MXI1: variants seen among roughly 807,000 people sequenced by gnomAD.
The protein encoded by MXI1 is MAX interactor 1, dimerization protein.
Under a neutral mutation model 36.9 loss-of-function variants are expected in MXI1, and 18 were observed. The observed-to-expected ratio is 0.49, with a 90% CI of 0.34 to 0.72. The LOEUF is 0.72. Ranked by LOEUF, MXI1 falls within the 30% of genes least tolerant of loss-of-function variation. The pLI, the probability that MXI1 is intolerant of heterozygous loss-of-function variation, is 0.01. For missense variants in MXI1, 304 were observed against 379.1 expected (o/e 0.80, Z 1.64); for synonymous variants, 160 against 146.7 (o/e 1.09, Z -0.65).
chr10:110,224,107 G>A lies in MXI1; in HGVS notation c.275-4082G>A, dbSNP rs547715255. ...ATGAAGCCGATAACATTTTTAAGAG[G>A]GTAAGATTTCCATCTCAAGATGGTA... is the stretch of plus-strand genomic sequence containing the variant. On this transcript the variant is annotated intron_variant, in intron 1 of 5. Coordinates refer to ENST00000332674, the MANE Select transcript of MXI1 (RefSeq NM_130439.3). Among the ~76,000 whole-genome samples, 5 of 152,224 alleles carry A rather than the reference G, an allele frequency of 3.3e-5. No individual in the cohort carries two copies. The South Asian group carries it at 1.0e-3, about 32-fold the overall frequency.
At chr10:110,245,922 T>G (rs1855845660) in intron 3 of MXI1, 1 of 152,116 alleles carries the variant, frequency 6.6e-6, no homozygotes, top group Non-Finnish European at 1.5e-5. Context: ...AGTTGAGTCT[T>G]AGATGATATT....
chr10:110,250,659 C>G (rs1856045496), intron 3 of MXI1, among the ~76,000 whole-genome samples: 1 of 151,392 alleles, frequency 6.6e-6, no homozygotes, highest in African/African-American at 2.4e-5. Flanking sequence ...TGGTGAAACC[C>G]CATCTCTACT....
rs190672219 is a variant in MXI1, at chr10:110,241,828, G to C, written c.408-3000G>C. 2.2e-3 allele frequency among the ~76,000 whole-genome samples: 329 copies of C among 152,010 alleles called. 1 individual carries two copies. Among genetic ancestry groups the C allele is most frequent in the African/African-American group, 7.6e-3 (315 of 41,516 alleles). On this transcript the variant is annotated intron_variant, in intron 2 of 5. Coordinates refer to ENST00000332674, the MANE Select transcript of MXI1 (RefSeq NM_130439.3). Reference sequence around the variant, plus strand: ...GCTAGCATCTATTAAATACTTATTAGGAGCTAGATGTTTTTACATCTGTTT... The same window carrying C: ...GCTAGCATCTATTAAATACTTATTACGAGCTAGATGTTTTTACATCTGTTT...
Position 110,228,299 on chromosome 10 carries a change from A to G in MXI1, c.385A>G (p.Ser129Gly). 6.2e-7 allele frequency: 1 copy of G among 1,614,182 alleles called. No individual in the cohort carries two copies. The highest frequency in any genetic ancestry group is 8.5e-7 in the Non-Finnish European group (1 of 1,180,020). The change falls in exon 2 of 6, where the codon AGC becomes GGC. Residue 129 changes from serine to glycine, a missense_variant. Transcript: ENST00000332674. Reference sequence around the variant, plus strand: ...GGCACAGAAACACAGCAGCGGGAGCAGCAACACCAGCACTGCCAACAGGTA... The same window carrying G: ...GGCACAGAAACACAGCAGCGGGAGCGGCAACACCAGCACTGCCAACAGGTA... ...SRAQKHSSGS[S>G]NTSTANRSTH...
chr10:110,216,936 G>A (rs1854664644), intron 1 of MXI1, among the ~76,000 whole-genome samples: 1 of 151,966 alleles, frequency 6.6e-6, no homozygotes, highest in African/African-American at 2.4e-5. Flanking sequence ...CAAAAGTGCT[G>A]GGATTACAGG....
intron 3 of MXI1, among the ~76,000 whole-genome samples, chr10:110,277,428 G>A (rs1857073003): frequency 6.6e-6 from 1 of 152,188 alleles, no homozygotes; most frequent in Admixed American, 6.5e-5. Flanking sequence ...TTACTCTGGT[G>A]TTTTGTTGTT....
intron 1 of MXI1, chr10:110,226,211 A>C: frequency 6.8e-7 from 1 of 1,480,762 alleles, no homozygotes; most frequent in South Asian, 1.3e-5. Flanking sequence ...CGCGGTGCCC[A>C]TGGAGCGGGT....
At chr10:110,225,005 G>C (rs1854918643) in intron 1 of MXI1, among the ~76,000 whole-genome samples, 1 of 152,182 alleles carries the variant, frequency 6.6e-6, no homozygotes, top group Non-Finnish European at 1.5e-5. Context: ...CTACAGAGGA[G>C]AGCATAAGAG....
At chr10:110,276,700 A>C (rs1374672973) in intron 3 of MXI1, among the ~76,000 whole-genome samples, 1 of 152,180 alleles carries the variant, frequency 6.6e-6, no homozygotes, top group Non-Finnish European at 1.5e-5. Flanking sequence ...GGAATGATTA[A>C]AGAGAGAAAA....
At chr10:110,226,042 C>T in intron 1 of MXI1, 2 of 887,384 alleles carry the variant, frequency 2.3e-6, no homozygotes, top group Non-Finnish European at 1.3e-6. Flanking sequence ...GCGCGGCTGG[C>T]GCGGCTGGGG....
At chr10:110,208,857 T>G (rs1854432714) in intron 1 of MXI1, among the ~76,000 whole-genome samples, 1 of 151,844 alleles carries the variant, frequency 6.6e-6, no homozygotes, top group Non-Finnish European at 1.5e-5. Context: ...GAAGGAAACT[T>G]TGGGATCTTT....
intron 2 of MXI1, among the ~76,000 whole-genome samples, chr10:110,235,272 G>T (rs1295376131): frequency 6.6e-6 from 1 of 152,136 alleles, no homozygotes; most frequent in Non-Finnish European, 1.5e-5. Context: ...TTCCAAATGA[G>T]ATACTTTGTA....
At chr10:110,250,999 T>A (rs1856061256) in intron 3 of MXI1, among the ~76,000 whole-genome samples, 1 of 99,650 alleles carries the variant, frequency 1.0e-5, no homozygotes, top group Admixed American at 1.3e-4. Context: ...GAGAAGTGAC[T>A]AAGTATTTGT....
intron 1 of MXI1, among the ~76,000 whole-genome samples, chr10:110,214,133 TC>T (rs1204620875): frequency 1.3e-5 from 2 of 152,208 alleles, no homozygotes; most frequent in African/African-American, 2.4e-5. Context: ...GAGCCTGTGC[TC>T]TTAACCATAT....
intron 1 of MXI1, among the ~76,000 whole-genome samples, chr10:110,216,663 A>ATTTTTTTTTTTTTTTTTTTT (rs1166044480): frequency 1.5e-4 from 6 of 39,446 alleles, no homozygotes; most frequent in African/African-American, 4.6e-4. Flanking sequence ...TCTGTGTTTA[A>ATTTTTTTTTTTTTTTTTTTT]TGTTTTTTTT....
intron 1 of MXI1, among the ~76,000 whole-genome samples, chr10:110,218,398 C>T (rs751688999): frequency 4.6e-5 from 7 of 150,612 alleles, no homozygotes; most frequent in Non-Finnish European, 8.9e-5. Context: ...TGCAGTGAGC[C>T]GAGATCACAC....
chr10:110,278,726 G>GTGTGTGTGCA (rs1554859686), intron 3 of MXI1, among the ~76,000 whole-genome samples: 4 of 149,698 alleles, frequency 2.7e-5, no homozygotes, highest in African/African-American at 9.9e-5. Flanking sequence ...GTGTGTGTGT[G>GTGTGTGTGCA]TGCCCACACA....
intron 1 of MXI1, among the ~76,000 whole-genome samples, chr10:110,217,623 A>T (rs1854685728): frequency 6.6e-6 from 1 of 152,162 alleles, no homozygotes; most frequent in Non-Finnish European, 1.5e-5. Flanking sequence ...TGCCAGTGGT[A>T]CTGAGCTAAG....
chr10:110,278,738 G>A lies in MXI1; in HGVS notation c.438-442G>A, dbSNP rs115559465. On this transcript the variant is annotated intron_variant, in intron 3 of 5. Coordinates refer to ENST00000332674, the MANE Select transcript of MXI1 (RefSeq NM_130439.3). ...TGTGTGTGTGTGTGTGCCCACACAC[G>A]TGCAAGCAAGTAAAAGGTGGGAGGG... is the stretch of plus-strand genomic sequence containing the variant. Among the ~76,000 whole-genome samples the A allele has an allele frequency of 7.9e-3, 1,199 of 151,468 alleles. 26 individuals are homozygous for A. The highest frequency in any genetic ancestry group is 0.026 in the African/African-American group (1,071 of 41,092).
Sources: gnomAD v4.1 joint callset for allele counts (sites outside exome capture counted in the v4.1 genomes callset) on GRCh38, gnomAD v4.1.1 for gene constraint, MANE v1.5 for transcripts, NCBI Gene and HGNC (gene_info 2026-07-23, HGNC 2026-07-21) for gene names.